Variants in ZNF292 observed in about 807,000 individuals in gnomAD.
ZNF292 encodes zinc finger protein 292.
ZNF292 carries 26 observed loss-of-function variants against 217.9 expected under a neutral mutation model. The observed-to-expected ratio is 0.12, with a 90% CI of 0.09 to 0.17. ZNF292 has a LOEUF of 0.17. ZNF292 is among the 10% of genes least tolerant of loss of function. The pLI, the probability that ZNF292 is intolerant of heterozygous loss-of-function variation, is 1.00. For synonymous variants in ZNF292, 1,257 were observed against 1,124.1 expected (o/e 1.12, Z -2.37); for missense variants, 2,904 against 3,175.2 (o/e 0.91, Z 2.05).
intron 1 of ZNF292, among the ~76,000 whole-genome samples, chr6:87,209,135 G>A (rs530654247): frequency 6.8e-6 from 1 of 146,098 alleles, no homozygotes; most frequent in South Asian, 2.1e-4. Flanking sequence ...GAGGCATCTA[G>A]TGCTCCCAGT....
intron 1 of ZNF292, among the ~76,000 whole-genome samples, chr6:87,177,830 C>T (rs1397125127): frequency 6.6e-6 from 1 of 152,144 alleles, no homozygotes; most frequent in African/African-American, 2.4e-5. Flanking sequence ...TAACAAGCAC[C>T]ATGTAAAATG....
chr6:87,187,383 T>C (rs959999336), intron 1 of ZNF292, among the ~76,000 whole-genome samples: 42 of 149,860 alleles, frequency 2.8e-4, no homozygotes, highest in African/African-American at 9.5e-4. Flanking sequence ...TAGCCAGATC[T>C]TAAACTGGAG....
intron 7 of ZNF292, among the ~76,000 whole-genome samples, chr6:87,253,269 A>G (rs1456321868): frequency 7.3e-6 from 1 of 137,598 alleles, no homozygotes; most frequent in East Asian, 2.1e-4. Flanking sequence ...TTTGTCATGC[A>G]GGCTGGATTG....
At chr6:87,155,786 C>T in intron 1 of ZNF292, 27 bp downstream of exon 1, 4 of 1,563,344 alleles carry the variant, frequency 2.6e-6, no homozygotes, top group East Asian at 2.3e-5. Flanking sequence ...GTCCCCTCCC[C>T]CTTTCCCCAG....
chr6:87,256,640 C>A lies in ZNF292; in HGVS notation c.3011C>A (p.Ser1004Tyr), dbSNP rs868234749. ...AATGATGCCCATGTTACTCAGAATT[C>A]TTTAGTAAATTCAGAAACTCTCAAA... ...CFNDAHVTQNSLVNSETLKIG... is the reference protein window; with the variant it reads ...CFNDAHVTQNYLVNSETLKIG... The change falls in exon 8 of 8, where the codon TCT becomes TAT. Residue 1004 changes from serine to tyrosine, a missense_variant. Transcript: ENST00000369577. The A allele has an allele frequency of 3.1e-6, 5 of 1,613,578 alleles. No homozygotes were observed. The highest frequency in any genetic ancestry group is 3.3e-5 in the Admixed American group (2 of 59,984).
rs1774187170 is a variant in ZNF292, at chr6:87,240,091, T to G, written c.742-3384T>G. Among the ~76,000 whole-genome samples the G allele has an allele frequency of 2.0e-5, 3 of 152,180 alleles. No homozygotes were observed. The South Asian group carries it at 6.2e-4, about 32-fold the overall frequency. ...AGCACTGAGTGAACGAGACTCCATCTGCAATCCCGGCACCTCGGGAGGCCA... is the reference window on the plus strand; with the variant it reads ...AGCACTGAGTGAACGAGACTCCATCGGCAATCCCGGCACCTCGGGAGGCCA... On this transcript the variant is annotated intron_variant, in intron 5 of 7. Transcript: ENST00000369577.
intron 4 of ZNF292, among the ~76,000 whole-genome samples, chr6:87,229,473 C>A (rs967484372): frequency 3.3e-5 from 5 of 152,136 alleles, no homozygotes; most frequent in African/African-American, 7.2e-5. Context: ...GTTGCCCAGG[C>A]TGGAGTGCAA....
At chr6:87,159,285 G>A (rs550910923) in intron 1 of ZNF292, among the ~76,000 whole-genome samples, 11 of 152,186 alleles carry the variant, frequency 7.2e-5, no homozygotes, top group South Asian at 6.2e-4. Context: ...ATTTAAATGA[G>A]AATTTGCTTA....
At chr6:87,156,484 T>A (rs143801324) in intron 1 of ZNF292, among the ~76,000 whole-genome samples, 26 of 152,352 alleles carry the variant, frequency 1.7e-4, no homozygotes, top group Middle Eastern at 3.4e-3. Flanking sequence ...CTGTCTCAGG[T>A]TGAGTGTCCT....
At chr6:87,247,441 T>G (rs1774663749) in intron 7 of ZNF292, among the ~76,000 whole-genome samples, 1 of 152,140 alleles carries the variant, frequency 6.6e-6, no homozygotes, top group Non-Finnish European at 1.5e-5. Context: ...GGACTCTGGG[T>G]CAGAGGAGGA....
rs1257245994 is a variant in ZNF292, at chr6:87,259,185, C to G, written c.5556C>G (p.Asp1852Glu). The G allele has an allele frequency of 6.2e-7, 1 of 1,613,526 alleles. No homozygotes were observed. The highest frequency in any genetic ancestry group is 8.5e-7 in the Non-Finnish European group (1 of 1,179,684). ...EGLQKLKLEN[D>E]LSTPASQCVL... The stretch of plus-strand genomic sequence containing the variant: ...TACAGAAATTAAAATTAGAAAATGA[C>G]CTATCCACTCCAGCATCCCAATGTG... The change falls in exon 8 of 8, where the codon GAC (aspartate) becomes GAG (glutamate). Residue 1852 changes from aspartate to glutamate, a missense_variant. Physicochemically the swap from Asp to Glu is conservative, Grantham distance 45. Transcript: ENST00000369577.
At chr6:87,174,513 T>G (rs544861034) in intron 1 of ZNF292, among the ~76,000 whole-genome samples, 2 of 152,288 alleles carry the variant, frequency 1.3e-5, no homozygotes, top group South Asian at 4.1e-4. Context: ...TGAGGGGAGT[T>G]AAAGTGTAGT....
At chr6:87,252,194 C>T (rs1317058061) in intron 7 of ZNF292, among the ~76,000 whole-genome samples, 1 of 151,832 alleles carries the variant, frequency 6.6e-6, no homozygotes, top group African/African-American at 2.4e-5. Context: ...TCTCGTTGCC[C>T]AGGCTGGAGT....
chr6:87,181,864 A>G (rs1033021490), intron 1 of ZNF292, among the ~76,000 whole-genome samples: 4 of 151,720 alleles, frequency 2.6e-5, no homozygotes, highest in African/African-American at 7.3e-5. Context: ...TTTTATTTTT[A>G]GTAGAGATGG....
At chr6:87,213,554 T>C (rs1253964369) in intron 1 of ZNF292, among the ~76,000 whole-genome samples, 1 of 151,612 alleles carries the variant, frequency 6.6e-6, no homozygotes, top group Non-Finnish European at 1.5e-5. Context: ...GTAGGGTGAG[T>C]AGTTTGGCGG....
At chr6:87,186,953 A>C (rs1771680928) in intron 1 of ZNF292, among the ~76,000 whole-genome samples, 1 of 152,216 alleles carries the variant, frequency 6.6e-6, no homozygotes. Context: ...GGTTCATGGG[A>C]TAAATGAGGA....
At chr6:87,161,731 GTTGT>G (rs981775865) in intron 1 of ZNF292, among the ~76,000 whole-genome samples, 93 of 152,230 alleles carry the variant, frequency 6.1e-4, no homozygotes, top group African/African-American at 1.9e-3. Flanking sequence ...TTGCTTTTTT[GTTGT>G]TTGTTTTGTT....
chr6:87,214,731 G>A (rs1772655389), intron 1 of ZNF292, among the ~76,000 whole-genome samples: 1 of 152,090 alleles, frequency 6.6e-6, no homozygotes. Flanking sequence ...GAGAGCCAAG[G>A]TCTGTGAATA....
At chr6:87,243,811 T>G (rs924639432) in intron 6 of ZNF292, among the ~76,000 whole-genome samples, 200 bp downstream of exon 6, 19 of 152,206 alleles carry the variant, frequency 1.2e-4, no homozygotes, top group Non-Finnish European at 2.6e-4. Flanking sequence ...GCCACACAAT[T>G]CCTTAGCATG....
Sources: gnomAD v4.1 joint callset for allele counts (sites outside exome capture counted in the v4.1 genomes callset) on GRCh38, gnomAD v4.1.1 for gene constraint, MANE v1.5 for transcripts, NCBI Gene and HGNC (gene_info 2026-07-23, HGNC 2026-07-21) for gene names.